The following ANK2 variants were observed in gnomAD, a reference collection of about 807,000 sequenced individuals.
The protein encoded by ANK2 is ankyrin 2.
ANK2 carries 83 observed loss-of-function variants against 360.5 expected under a neutral mutation model. The observed-to-expected ratio is 0.23, with a 90% CI of 0.19 to 0.28. The LOEUF is 0.28. Ranked by LOEUF, ANK2 falls within the 10% of genes least tolerant of loss-of-function variation. The pLI is 1.00. For missense variants in ANK2, 4,201 were observed against 4,795.7 expected (o/e 0.88, Z 3.66); for synonymous variants, 1,740 against 1,759.5 (o/e 0.99, Z 0.28).
rs764008198 is a variant in ANK2, at chr4:113,240,555, G to A, written c.764G>A (p.Arg255Gln). 4.8e-5 allele frequency: 78 copies of A among 1,613,636 alleles called. No individual in the cohort carries two copies. The highest frequency in any genetic ancestry group is 6.3e-5 in the Non-Finnish European group (74 of 1,179,836). ...NVNVATLLLN[R>Q]GAAVDFTARN... is the part of the protein sequence containing the mutation. The stretch of plus-strand genomic sequence containing the variant: ...AACGTGGCAACTCTTCTTCTAAACC[G>A]GGGAGCTGCTGTGGACTTCACAGCC... The change falls in exon 8 of 46, where the codon CGG (arginine) becomes CAG (glutamine). Residue 255 changes from arginine to glutamine, a missense_variant. Physicochemically the swap from Arg to Gln is conservative, Grantham distance 43 (BLOSUM62 1). Coordinates refer to ENST00000357077, the MANE Select transcript of ANK2 (RefSeq NM_001148.6).
chr4:112,990,135 G>C (rs2046264702), intron 2 of ANK2, among the ~76,000 whole-genome samples: 1 of 152,050 alleles, frequency 6.6e-6, no homozygotes, highest in African/African-American at 2.4e-5. Context: ...TGGGCATAGT[G>C]GCACATTCCT....
At chr4:112,912,722 G>C (rs771793747) in intron 2 of ANK2, among the ~76,000 whole-genome samples, 5 of 152,040 alleles carry the variant, frequency 3.3e-5, no homozygotes, top group Non-Finnish European at 7.4e-5. Flanking sequence ...GTGAAGTAGA[G>C]ATATGTATAT....
intron 2 of ANK2, among the ~76,000 whole-genome samples, chr4:113,178,476 G>T (rs1193419424): frequency 6.6e-6 from 1 of 151,552 alleles, no homozygotes; most frequent in Non-Finnish European, 1.5e-5. Flanking sequence ...GGAGGCTGAG[G>T]TGGGGGAATT....
At chr4:113,309,832 T>G (rs1272501926) in intron 23 of ANK2, among the ~76,000 whole-genome samples, 1 of 152,216 alleles carries the variant, frequency 6.6e-6, no homozygotes, top group Non-Finnish European at 1.5e-5. Flanking sequence ...TCAGAAGTTT[T>G]AAATTTTTGT....
intron 42 of ANK2, 91 bp from the exon 43 acceptor site, chr4:113,369,423 A>C: frequency 7.2e-7 from 1 of 1,389,980 alleles, no homozygotes; most frequent in Non-Finnish European, 1.0e-6. Flanking sequence ...ACTATGGAAA[A>C]ACCAGCTCCA....
the ANK2 span, among the ~76,000 whole-genome samples, chr4:112,778,212 C>T: frequency 0.018 from 2,680 of 151,980 alleles, 92 homozygotes; most frequent in African/African-American, 0.059. Context: ...TCAAGTGATC[C>T]GCCTGCCTCA....
chr4:113,039,198 G>A (rs1426793516), intron 2 of ANK2, among the ~76,000 whole-genome samples: 1 of 151,982 alleles, frequency 6.6e-6, no homozygotes, highest in Non-Finnish European at 1.5e-5. Context: ...TGATAAGATA[G>A]TAAACTGACT....
chr4:112,735,677 T>G, the ANK2 span, among the ~76,000 whole-genome samples: 1 of 152,220 alleles, frequency 6.6e-6, no homozygotes, highest in Non-Finnish European at 1.5e-5. Flanking sequence ...TTCTATTTCT[T>G]TTTTTAAATT....
At chr4:113,300,592 A>G (rs951915890) in intron 22 of ANK2, among the ~76,000 whole-genome samples, 1 of 152,228 alleles carries the variant, frequency 6.6e-6, no homozygotes, top group African/African-American at 2.4e-5. Context: ...AGCAGCAGAT[A>G]AACACAGTTA....
In ANK2 at chr4:113,356,993, G is replaced by A. The variant is rs957787977; in HGVS notation, c.8375G>A (p.Gly2792Asp). 2.9e-5 allele frequency: 47 copies of A among 1,613,902 alleles called. No homozygotes were observed. The highest frequency in any genetic ancestry group is 3.7e-5 in the Non-Finnish European group (44 of 1,179,984). ...PSSSAAPVSS[G>D]LQSPTGDDVD... ...AGCTCAGCTGCTCCTGTCTCTTCAG[G>A]TCTACAGAGTCCGACTGGTGATGAT... Residue 2792 changes from glycine to aspartate, a missense_variant, in exon 38 of 46, where the codon GGT becomes GAT. Transcript: ENST00000357077.
the ANK2 span, among the ~76,000 whole-genome samples, chr4:112,709,680 C>T: frequency 8.6e-5 from 13 of 152,042 alleles, no homozygotes; most frequent in Non-Finnish European, 1.2e-4. Flanking sequence ...ACCCAGGAGG[C>T]GGAGGTTGCG....
intron 1 of ANK2, among the ~76,000 whole-genome samples, chr4:113,094,777 T>A (rs1228259685): frequency 1.3e-5 from 2 of 152,208 alleles, no homozygotes; most frequent in African/African-American, 4.8e-5. Context: ...CAGAACCAGA[T>A]TTCATCACCA....
rs536101953 is a variant in ANK2 at position 112,834,476 on chromosome 4, T to C, written c.-40+16212T>C. Among the ~76,000 whole-genome samples, 150 of 152,320 alleles carry C rather than the reference T, an allele frequency of 9.8e-4. 1 individual carries two copies. In the Middle Eastern group the frequency reaches 0.034, roughly 35 times the overall value. ...CTCTGCTCTTGTATATGTTAGAAAA[T>C]TTCTATAATAAGAAATATATTTGCC... is the stretch of plus-strand genomic sequence containing the variant. On this transcript the variant is annotated intron_variant, in intron 1 of 30. Coordinates refer to the ANK2 transcript ENST00000503271.
intron 4 of ANK2, among the ~76,000 whole-genome samples, chr4:113,216,141 C>T (rs2099082957): frequency 6.6e-6 from 1 of 152,148 alleles, no homozygotes; most frequent in South Asian, 2.1e-4. Context: ...ATAACTATTT[C>T]ATCACTAATA....
rs1280166261 is a variant in ANK2 at position 112,903,042 on chromosome 4, A to G, written c.-39-1413A>G. ...TAATGGTTCACAAGAGAGAGAGTGA[A>G]AACCCTCTGGACAAGAAAATCCAGG... is the stretch of plus-strand genomic sequence containing the variant. On this transcript the variant is annotated intron_variant, in intron 1 of 30. Transcript: ENST00000503271. Among the ~76,000 whole-genome samples, 3 of 152,198 alleles carry G rather than the reference A, an allele frequency of 2.0e-5. No individual in the cohort carries two copies. The South Asian group carries it at 6.2e-4, about 32-fold the overall frequency.
chr4:113,087,429 T>C lies in ANK2; in HGVS notation c.84+37617T>C, dbSNP rs564522877. Among the ~76,000 whole-genome samples, 5 of 152,354 alleles carry C rather than the reference T, an allele frequency of 3.3e-5. 1 individual carries two copies. In the South Asian group the frequency reaches 1.0e-3, roughly 32 times the overall value. ...TTCCAAACTTTACAATAAAGTATTC[T>C]AGACTATTTTCTGTTTTTCATTTGT... is the stretch of plus-strand genomic sequence containing the variant. On this transcript the variant is annotated intron_variant, in intron 1 of 45. Transcript: ENST00000357077.
chr4:113,271,588 A>G (rs973094692), intron 14 of ANK2, among the ~76,000 whole-genome samples: 2 of 152,210 alleles, frequency 1.3e-5, no homozygotes, highest in Non-Finnish European at 2.9e-5. Flanking sequence ...AATTGTGCCA[A>G]GCTACTACAT....
chr4:113,367,416 G>A (rs1165319438), intron 41 of ANK2, 150 bp from the exon 42 acceptor site: 2 of 739,144 alleles, frequency 2.7e-6, no homozygotes, highest in Admixed American at 2.4e-5. Flanking sequence ...TGGACACAGT[G>A]TCTTCTTCAT....
chr4:113,249,829 G>A lies in ANK2; in HGVS notation c.957G>A (p.Leu319=), dbSNP rs1272421013. Residue 319 remains leucine, a synonymous_variant, in exon 10 of 46, where the codon TTG becomes TTA. Transcript: ENST00000357077. ...ATGACCAAGTGGTGGAACTTCTGTT[G>A]GAACGGGGTGCCCCCTTGCTGGCAA... ...SGHDQVVELL[L]ERGAPLLART... is the part of the protein sequence containing the mutation. The A allele has an allele frequency of 1.2e-6, 2 of 1,614,052 alleles. No homozygotes were observed. Among genetic ancestry groups the A allele is most frequent in the Non-Finnish European group, 1.7e-6 (2 of 1,180,052 alleles).
Sources: allele counts gnomAD v4.1 joint callset (sites outside exome capture counted in the v4.1 genomes callset), GRCh38; gene constraint gnomAD v4.1.1; transcripts MANE v1.5; gene names NCBI Gene and HGNC (gene_info 2026-07-23, HGNC 2026-07-21).